LMLN: variants seen among roughly 807,000 people sequenced by gnomAD.
LMLN encodes the protein leishmanolysin-like peptidase.
Under a neutral mutation model 92.3 loss-of-function variants are expected in LMLN, and 70 were observed. That is an observed-to-expected ratio of 0.76 (90% CI 0.63 to 0.92). The LOEUF (loss-of-function observed/expected upper bound fraction) is 0.92. Among genes scored for constraint, LMLN ranks in the 40% least tolerant of loss-of-function variants. The pLI is 0.00. For synonymous variants in LMLN, 308 were observed against 296.2 expected (o/e 1.04, Z -0.41); for missense variants, 691 against 814.6 (o/e 0.85, Z 1.85).
chr3:197,991,883 G>GA (rs1016441503), intron 9 of LMLN, among the ~76,000 whole-genome samples: 2 of 119,916 alleles, frequency 1.7e-5, no homozygotes, highest in Non-Finnish European at 3.5e-5. Flanking sequence ...TTTTTTTTGA[G>GA]ACAGTTTGCC....
Position 198,038,561 on chromosome 3 carries a change from C to T in LMLN, c.1868-6C>T, listed in dbSNP as rs73091377. 0.12 allele frequency: 190,520 copies of T among 1,607,590 alleles called. 16,723 individuals carry two copies. Among genetic ancestry groups the T allele is most frequent in the African/African-American group, 0.46 (34,454 of 74,774 alleles). On this transcript the variant is annotated splice_polypyrimidine_tract_variant and splice_region_variant and intron_variant, in intron 15 of 15. Coordinates refer to ENST00000330198, the Ensembl canonical transcript of LMLN. ...TAGAAAGTCAGTTTTTTGTTTTCAA[C>T]TCTAGATCTTTGTTCCTGTTCCTCG...
chr3:198,021,574 C>T (rs760178598), exon 13 of LMLN: 1 of 1,614,062 alleles, frequency 6.2e-7, no homozygotes, highest in Non-Finnish European at 8.5e-7. Flanking sequence ...ATCAGCGCAG[C>T]TCAGATTGTA....
intron 11 of LMLN, among the ~76,000 whole-genome samples, chr3:198,015,627 A>C (rs1722614080): frequency 7.3e-6 from 1 of 136,064 alleles, no homozygotes; most frequent in African/African-American, 2.9e-5. Context: ...AGAGCCCCCT[A>C]ACTAGTCTGA....
At chr3:197,977,839 C>T (rs534385637) in intron 5 of LMLN, among the ~76,000 whole-genome samples, 13 of 151,486 alleles carry the variant, frequency 8.6e-5, no homozygotes, top group African/African-American at 2.9e-4. Flanking sequence ...AGTACACACA[C>T]GTTAAATCTG....
intron 1 of LMLN, among the ~76,000 whole-genome samples, chr3:197,965,799 A>G (rs1006715000): frequency 1.3e-5 from 2 of 152,112 alleles, no homozygotes; most frequent in Non-Finnish European, 2.9e-5. Context: ...CTGTAGTCCC[A>G]CCTACTTGGT....
At chr3:197,992,065 G>C (rs181933463) in intron 9 of LMLN, among the ~76,000 whole-genome samples, 2 of 137,356 alleles carry the variant, frequency 1.5e-5, no homozygotes, top group East Asian at 4.2e-4. Context: ...GTTTCACCAT[G>C]TTGGTCAGGG....
At chr3:197,970,116 C>T (rs752905009) in intron 1 of LMLN, among the ~76,000 whole-genome samples, 5 of 152,072 alleles carry the variant, frequency 3.3e-5, no homozygotes, top group Non-Finnish European at 7.4e-5. Flanking sequence ...TGTACCACTG[C>T]ACTCCAGCCT....
chr3:198,018,874 G>A (rs1368984143), intron 11 of LMLN, among the ~76,000 whole-genome samples: 1 of 152,176 alleles, frequency 6.6e-6, no homozygotes, highest in African/African-American at 2.4e-5. Context: ...GCAAGACAGT[G>A]CAACAGATTC....
intron 8 of LMLN, among the ~76,000 whole-genome samples, chr3:197,986,887 T>C (rs2109876442): frequency 6.7e-6 from 1 of 150,068 alleles, no homozygotes; most frequent in African/African-American, 2.5e-5. Context: ...TCGTTCAGGC[T>C]GGAGTGCAGT....
Position 198,042,084 on chromosome 3 carries a change from T to C in LMLN, c.*3417T>C, listed in dbSNP as rs1447779232. 1 of 152,154 alleles carries C rather than the reference T, an allele frequency of 6.6e-6. No individual in the cohort carries two copies. The highest frequency in any genetic ancestry group is 2.4e-5 in the African/African-American group (1 of 41,428). The allele number at this position is 152,154 out of a possible 1,614,324, so 9.4% of individuals were successfully genotyped here. ...ATAAAGTATGGATAAAGTCTTGAGT[T>C]CCTCAGGGTAACTGTGTTGATGTCT... is the stretch of plus-strand genomic sequence containing the variant. On this transcript the variant is annotated 3_prime_UTR_variant, in exon 16 of 16. Coordinates refer to ENST00000330198, the Ensembl canonical transcript of LMLN. This position sits in a 1 kb window ranked among gnomAD's most constrained non-coding sequence, Gnocchi z 4.2.
At chr3:197,969,278 T>TATA (rs145469369) in intron 1 of LMLN, among the ~76,000 whole-genome samples, 33 of 132,382 alleles carry the variant, frequency 2.5e-4, no homozygotes, top group African/African-American at 6.3e-4. Flanking sequence ...TATATATATA[T>TATA]TTTTTTTAGT....
At chr3:197,962,789 T>C (rs1720942561) in intron 1 of LMLN, among the ~76,000 whole-genome samples, 1 of 149,874 alleles carries the variant, frequency 6.7e-6, no homozygotes, top group Non-Finnish European at 1.5e-5. Context: ...TTTTGCCCCA[T>C]ATGGGTATTC....
intron 1 of LMLN, 79 bp downstream of exon 1, chr3:197,960,519 G>A: frequency 7.3e-7 from 1 of 1,368,920 alleles, no homozygotes; most frequent in Non-Finnish European, 1.0e-6. Context: ...TAGTGACTGG[G>A]AGAAGGTGTC....
intron 7 of LMLN, among the ~76,000 whole-genome samples, chr3:197,984,339 G>T (rs773359713): frequency 2.0e-5 from 3 of 152,058 alleles, no homozygotes; most frequent in Non-Finnish European, 2.9e-5. Flanking sequence ...CTGCACTCCA[G>T]CCTGGTGGTA....
chr3:197,980,229 G>A (rs1468192045), intron 5 of LMLN, 97 bp from the exon 6 acceptor site: 6 of 979,764 alleles, frequency 6.1e-6, no homozygotes, highest in Admixed American at 2.3e-5. Context: ...AGATTAAATT[G>A]TACTGTGTTT....
chr3:197,990,641 C>A, exon 9 of LMLN: 1 of 1,598,144 alleles, frequency 6.3e-7, no homozygotes, highest in Non-Finnish European at 8.6e-7. Context: ...GATAGTTCGT[C>A]ACACTGTGTA....
chr3:198,015,105 C>G (rs1446163132), intron 11 of LMLN, among the ~76,000 whole-genome samples: 2 of 146,102 alleles, frequency 1.4e-5, no homozygotes, highest in Non-Finnish European at 3.0e-5. Context: ...CTTCAGAGTC[C>G]CCTAACTAGT....
rs1452070907 is a variant in LMLN, at chr3:198,025,085, A to T, written c.1656+297A>T. ...TGTTCTTGAGCAAATATTACTTTGT[A>T]ATGGAAAACATGTCAATTTTATTTC... On this transcript the variant is annotated intron_variant, in intron 14 of 15. Transcript: ENST00000330198. This position sits in a 1 kb window ranked among gnomAD's most constrained non-coding sequence, Gnocchi z 4.3. Among the ~76,000 whole-genome samples the T allele has an allele frequency of 6.6e-6, 1 of 152,196 alleles. No homozygotes were observed. Among genetic ancestry groups the T allele is most frequent in the East Asian group, 1.9e-4 (1 of 5,188 alleles).
chr3:197,992,179 C>A (rs1037815840), intron 9 of LMLN, among the ~76,000 whole-genome samples: 6 of 151,908 alleles, frequency 3.9e-5, no homozygotes, highest in Admixed American at 6.6e-5. Flanking sequence ...GATGTATACA[C>A]ACATCCTATT....
Sources: allele counts gnomAD v4.1 joint callset (sites outside exome capture counted in the v4.1 genomes callset), GRCh38; gene constraint gnomAD v4.1.1; non-coding constraint Gnocchi (gnomAD v3.1); transcripts MANE v1.5; gene names NCBI Gene and HGNC (gene_info 2026-07-23, HGNC 2026-07-21).